Variants in MED12L observed in about 807,000 individuals in gnomAD.
MED12L encodes mediator of RNA polymerase II transcription subunit 12-like protein.
Under a neutral mutation model 281.3 loss-of-function variants are expected in MED12L, and 60 were observed. The observed-to-expected ratio is 0.21, with a 90% CI of 0.17 to 0.26. MED12L has a LOEUF of 0.26. MED12L is among the 10% of genes least tolerant of loss of function. The pLI, the probability that MED12L is intolerant of heterozygous loss-of-function variation, is 1.00. For missense variants in MED12L, 2,146 were observed against 2,680.9 expected (o/e 0.80, Z 4.41); for synonymous variants, 974 against 987.2 (o/e 0.99, Z 0.25).
intron 16 of MED12L, chr3:151,328,318 G>C: frequency 6.2e-7 from 1 of 1,613,532 alleles, no homozygotes; most frequent in Non-Finnish European, 8.5e-7. Flanking sequence ...TGTTTTTTCT[G>C]TCCTTACTTT....
At chr3:151,214,113 A>G in intron 16 of MED12L, 2 of 1,614,146 alleles carry the variant, frequency 1.2e-6, no homozygotes, top group Non-Finnish European at 1.7e-6. Flanking sequence ...GGCTCATCAC[A>G]AAGTCAGCAA....
In MED12L at chr3:151,413,411, G is replaced by A. The variant is rs901266080; in HGVS notation, c.6297+116G>A. On this transcript the variant is annotated intron_variant, in intron 42 of 44. Coordinates refer to ENST00000687756, the MANE Select transcript of MED12L (RefSeq NM_001393769.1). ...CAATTGCCAGATTCCAAGGATCCCT[G>A]TGGATTTGATGCTAGGAGCTACATT... The A allele has an allele frequency of 1.2e-5, 15 of 1,273,978 alleles. No individual in the cohort carries two copies. The African/African-American group carries it at 1.6e-4, about 14-fold the overall frequency. 78.9% of individuals were successfully genotyped at this position (1,273,978 alleles called of 1,614,324 possible). A position where few individuals can be genotyped will look rare whatever the true frequency, so the allele number is the denominator to read the frequency against.
intron 16 of MED12L, among the ~76,000 whole-genome samples, chr3:151,216,217 C>A (rs1728188832): frequency 6.6e-6 from 1 of 152,128 alleles, no homozygotes; most frequent in Admixed American, 6.5e-5. Context: ...AATGAATATG[C>A]ACTCTGGGAA....
intron 4 of MED12L, among the ~76,000 whole-genome samples, chr3:151,124,546 G>A (rs1258386348): frequency 6.6e-6 from 1 of 152,162 alleles, no homozygotes; most frequent in Non-Finnish European, 1.5e-5. Flanking sequence ...TTCTCTGCAT[G>A]TTCTTCATAA....
At chr3:151,292,804 A>C (rs1422639420) in intron 16 of MED12L, among the ~76,000 whole-genome samples, 1 of 152,118 alleles carries the variant, frequency 6.6e-6, no homozygotes, top group South Asian at 2.1e-4. Flanking sequence ...CCTCCTCTAT[A>C]TATATACGGA....
chr3:151,191,265 T>A (rs1240888994), intron 14 of MED12L, among the ~76,000 whole-genome samples: 1 of 152,244 alleles, frequency 6.6e-6, no homozygotes, highest in Non-Finnish European at 1.5e-5. Flanking sequence ...TGGACTTGTT[T>A]TGACCTTTAA....
intron 36 of MED12L, among the ~76,000 whole-genome samples, chr3:151,387,565 G>C (rs1316163125): frequency 6.6e-6 from 1 of 152,144 alleles, no homozygotes; most frequent in Non-Finnish European, 1.5e-5. Context: ...AAATATGCTA[G>C]ACTGCCTCTG....
intron 16 of MED12L, among the ~76,000 whole-genome samples, chr3:151,263,927 T>C (rs895928167): frequency 6.6e-6 from 1 of 152,172 alleles, no homozygotes; most frequent in Admixed American, 6.5e-5. Flanking sequence ...CAGTTAATGT[T>C]AGGAATTGTA....
chr3:151,113,959 CAT>C lies in MED12L; in HGVS notation c.100-2376_100-2375del, dbSNP rs539666886. ...GGCCAGAATGTATTTTTAGTAAAAA[CAT>C]ATGCTGTTACTCAATGTTTCTTATA... is the stretch of plus-strand genomic sequence containing the variant. On this transcript the variant is annotated intron_variant, in intron 2 of 44. Coordinates refer to ENST00000687756, the MANE Select transcript of MED12L (RefSeq NM_001393769.1). Among the ~76,000 whole-genome samples, 223 of 152,288 alleles carry C rather than the reference CAT, an allele frequency of 1.5e-3. 1 individual carries two copies. Among genetic ancestry groups the C allele is most frequent in the African/African-American group, 5.0e-3 (207 of 41,574 alleles).
intron 16 of MED12L, among the ~76,000 whole-genome samples, chr3:151,267,582 A>C (rs969359105): frequency 6.6e-6 from 1 of 152,192 alleles, no homozygotes; most frequent in African/African-American, 2.4e-5. Flanking sequence ...TATGAATTTA[A>C]AACATTTTTT....
chr3:151,369,653 C>A, intron 26 of MED12L, 104 bp downstream of exon 26: 1 of 698,714 alleles, frequency 1.4e-6, no homozygotes, highest in Non-Finnish European at 2.3e-6. Flanking sequence ...AAACATGATA[C>A]TGTTTGATCG....
rs140248063 is a variant in MED12L, at chr3:151,127,532, T to C, written c.397-293T>C. ...TTGATAAGATGAGTAGCTCTCAGCA[T>C]CTGAGAATTTGAAAATCATTTATTT... On this transcript the variant is annotated intron_variant, in intron 4 of 44. Transcript: ENST00000687756. 5.7e-3 allele frequency among the ~76,000 whole-genome samples: 873 copies of C among 152,334 alleles called. 32 individuals carry two copies. Among genetic ancestry groups the C allele is most frequent in the Admixed American group, 0.049 (755 of 15,296 alleles).
chr3:151,122,838 A>G lies in MED12L; in HGVS notation c.260A>G (p.Gln87Arg), dbSNP rs1713961035. 1.9e-6 allele frequency: 3 copies of G among 1,611,906 alleles called. No homozygotes were observed. The highest frequency in any genetic ancestry group is 2.5e-6 in the Non-Finnish European group (3 of 1,178,822). Reference sequence around the variant, plus strand: ...GAGAAACTGAAGCTTAACACTTTCCAGGACACGGGAAAGAAGAAACCACAA... The same window carrying G: ...GAGAAACTGAAGCTTAACACTTTCCGGGACACGGGAAAGAAGAAACCACAA... ...LAEKLKLNTF[Q>R]DTGKKKPQVN... Residue 87 changes from glutamine (Q) to arginine (R), a missense_variant, in exon 4 of 45, where the codon CAG becomes CGG. Gln to Arg is a conservative substitution (Grantham distance 43). Coordinates refer to ENST00000687756, the MANE Select transcript of MED12L (RefSeq NM_001393769.1).
chr3:151,242,185 C>T (rs535243934), intron 16 of MED12L, among the ~76,000 whole-genome samples: 30 of 152,340 alleles, frequency 2.0e-4, no homozygotes, highest in Admixed American at 5.9e-4. Flanking sequence ...AAGGCAGCAA[C>T]ACGGCTGGGG....
intron 20 of MED12L, among the ~76,000 whole-genome samples, chr3:151,358,130 A>G (rs1187229773): frequency 6.6e-6 from 1 of 152,154 alleles, no homozygotes; most frequent in African/African-American, 2.4e-5. Flanking sequence ...AATCTAGCAC[A>G]TGTAATCAAT....
chr3:151,309,246 G>A (rs921566606), intron 16 of MED12L, among the ~76,000 whole-genome samples: 2 of 151,968 alleles, frequency 1.3e-5, no homozygotes, highest in South Asian at 2.1e-4. Context: ...TAAACTAATA[G>A]GAATATTTGA....
intron 16 of MED12L, among the ~76,000 whole-genome samples, chr3:151,208,492 G>A (rs147843976): frequency 0.013 from 1,915 of 152,230 alleles, 34 homozygotes; most frequent in African/African-American, 0.038. Flanking sequence ...GACCAGCCTG[G>A]CAAACATGGT....
intron 5 of MED12L, among the ~76,000 whole-genome samples, chr3:151,136,505 A>C (rs1028546540): frequency 6.6e-6 from 1 of 152,232 alleles, no homozygotes; most frequent in Non-Finnish European, 1.5e-5. Flanking sequence ...TTGCTTAGGC[A>C]TGAAAAATAG....
At chr3:151,408,944 C>T (rs1037442976) in intron 39 of MED12L, among the ~76,000 whole-genome samples, 2 of 152,190 alleles carry the variant, frequency 1.3e-5, no homozygotes, top group South Asian at 2.1e-4. Context: ...CATTTATACC[C>T]TGGCATGTAT....
Sources: gnomAD v4.1 joint callset for allele counts (sites outside exome capture counted in the v4.1 genomes callset) on GRCh38, gnomAD v4.1.1 for gene constraint, MANE v1.5 for transcripts, NCBI Gene and HGNC (gene_info 2026-07-23, HGNC 2026-07-21) for gene names.